The following MARK2 variants were observed in gnomAD, a reference collection of about 807,000 sequenced individuals.
MARK2 encodes the protein serine/threonine-protein kinase MARK2.
A neutral mutation model predicts 89.8 loss-of-function variants in MARK2; 16 were observed. The observed-to-expected ratio is 0.18, with a 90% CI of 0.12 to 0.27. The LOEUF is 0.27. Among genes scored for constraint, MARK2 ranks in the 10% least tolerant of loss-of-function variants. MARK2 has a pLI of 1.00. For missense variants in MARK2, 621 were observed against 1,049.9 expected (o/e 0.59, Z 5.65); for synonymous variants, 382 against 399.5 (o/e 0.96, Z 0.52).
In MARK2 at chr11:63,900,573, G is replaced by C. The variant is rs1590686402; in HGVS notation, c.783G>C (p.Arg261=). 1.2e-6 allele frequency: 2 copies of C among 1,614,100 alleles called. No individual in the cohort carries two copies. Among genetic ancestry groups the C allele is most frequent in the Non-Finnish European group, 1.7e-6 (2 of 1,180,016 alleles). ...TCCTCCTGCAGGAGCTGCGGGAACG[G>C]GTACTGAGGGGAAAATACCGTATTC... ...DGQNLKELRE[R]VLRGKYRIPF... The change falls in exon 9 of 19, where the codon CGG becomes CGC. Residue 261 remains arginine, a synonymous_variant. Coordinates refer to ENST00000402010, the MANE Select transcript of MARK2 (RefSeq NM_001039469.3). This position sits in a 1 kb window ranked among gnomAD's most constrained non-coding sequence, Gnocchi z 4.7.
chr11:63,867,141 C>G (rs1258164171), intron 1 of MARK2, among the ~76,000 whole-genome samples: 1 of 152,212 alleles, frequency 6.6e-6, no homozygotes, highest in Non-Finnish European at 1.5e-5. Flanking sequence ...ATCCCCCAAC[C>G]TTAGCCTCCT....
intron 3 of MARK2, among the ~76,000 whole-genome samples, chr11:63,895,917 G>C (rs948601182): frequency 1.3e-5 from 2 of 151,932 alleles, no homozygotes; most frequent in African/African-American, 4.8e-5. Flanking sequence ...TGATCCGCTC[G>C]CCTCGGCCTC....
At chr11:63,881,315 T>A (rs1939074973) in intron 1 of MARK2, among the ~76,000 whole-genome samples, 1 of 151,726 alleles carries the variant, frequency 6.6e-6, no homozygotes, top group African/African-American at 2.4e-5. Flanking sequence ...CAAAAAAAAA[T>A]ACCAAGGTCC....
intron 1 of MARK2, among the ~76,000 whole-genome samples, chr11:63,883,550 A>G (rs1035139185): frequency 5.9e-5 from 9 of 151,648 alleles, no homozygotes; most frequent in African/African-American, 2.2e-4. Flanking sequence ...ACTGAACACC[A>G]CGTTCTATGG....
chr11:63,894,935 C>G (rs1284027632), intron 1 of MARK2, among the ~76,000 whole-genome samples: 2 of 152,146 alleles, frequency 1.3e-5, no homozygotes, highest in African/African-American at 4.8e-5. Flanking sequence ...TGAGCTTTGC[C>G]ACCCACAGGA....
At chr11:63,871,573 G>C (rs972301152) in intron 1 of MARK2, among the ~76,000 whole-genome samples, 6 of 147,364 alleles carry the variant, frequency 4.1e-5, no homozygotes, top group South Asian at 2.2e-4. Flanking sequence ...GCAGGTGTGG[G>C]TGAAGAGTAT....
At chr11:63,885,394 C>T (rs1397686676) in intron 1 of MARK2, among the ~76,000 whole-genome samples, 1 of 151,780 alleles carries the variant, frequency 6.6e-6, no homozygotes, top group African/African-American at 2.4e-5. Context: ...CAAAAATTAG[C>T]CGGGCGTATT....
chr11:63,881,580 A>G (rs1020440940), intron 1 of MARK2, among the ~76,000 whole-genome samples: 5 of 152,108 alleles, frequency 3.3e-5, no homozygotes, highest in Admixed American at 6.6e-5. Flanking sequence ...CACTGAGGGT[A>G]TATGAAGGTG....
At chr11:63,859,654 C>CA (rs1937634267) in intron 1 of MARK2, among the ~76,000 whole-genome samples, 1 of 148,752 alleles carries the variant, frequency 6.7e-6, no homozygotes, top group African/African-American at 2.5e-5. Context: ...TTTTTCGAGA[C>CA]AGAGTCCCAC....
chr11:63,908,184 A>C, intron 17 of MARK2, 76 bp from the exon 18 acceptor site: 1 of 1,378,754 alleles, frequency 7.3e-7, no homozygotes, highest in Non-Finnish European at 1.0e-6. Context: ...CCCCAGACCC[A>C]CTCTCATCTG....
Position 63,839,390 on chromosome 11 carries a change from CG to C in MARK2, c.-113del. 1 of 628,390 alleles carries C rather than the reference CG, an allele frequency of 1.6e-6. No individual in the cohort carries two copies. Among genetic ancestry groups the C allele is most frequent in the African/African-American group, 2.0e-5 (1 of 51,082 alleles). The allele number at this position is 628,390 out of a possible 1,614,324, so 38.9% of individuals were successfully genotyped here. A position where few individuals can be genotyped will look rare whatever the true frequency, so the allele number is the denominator to read the frequency against. On this transcript the variant is annotated 5_prime_UTR_variant, in exon 1 of 19. Coordinates refer to ENST00000402010, the MANE Select transcript of MARK2 (RefSeq NM_001039469.3). ...TGCCCGGCCTCCCCGCACCCCCGGC[CG>C]GGGCCCATGCGGCGGGTGCTCCTGC...
In MARK2 at chr11:63,903,943, A is replaced by G. The variant is rs1941108200; in HGVS notation, c.1515-43A>G. Reference sequence around the variant, plus strand: ...TTCCTAATCCAGGCCTCCCGCCCTCACTCACCCCTAACACGGGCCTCTCCG... The same window carrying G: ...TTCCTAATCCAGGCCTCCCGCCCTCGCTCACCCCTAACACGGGCCTCTCCG... On this transcript the variant is annotated intron_variant, in intron 14 of 18. Coordinates refer to ENST00000402010, the MANE Select transcript of MARK2 (RefSeq NM_001039469.3). This position sits in a 1 kb window ranked among gnomAD's most constrained non-coding sequence, Gnocchi z 5.1. 1 of 1,532,384 alleles carries G rather than the reference A, an allele frequency of 6.5e-7. No homozygotes were observed. Among genetic ancestry groups the G allele is most frequent in the Non-Finnish European group, 8.8e-7 (1 of 1,134,430 alleles). 94.9% of individuals were successfully genotyped at this position (1,532,384 alleles called of 1,614,324 possible).
At chr11:63,879,326 A>C (rs928089485) in intron 1 of MARK2, among the ~76,000 whole-genome samples, 1 of 152,168 alleles carries the variant, frequency 6.6e-6, no homozygotes, top group African/African-American at 2.4e-5. Context: ...ACATTTAAAA[A>C]ATCACATTTT....
Position 63,906,091 on chromosome 11 carries a change from T to C in MARK2, c.1938T>C (p.Asn646=). The C allele has an allele frequency of 7.4e-7, 1 of 1,351,618 alleles. No individual in the cohort carries two copies. Among genetic ancestry groups the C allele is most frequent in the East Asian group, 2.9e-5 (1 of 35,034 alleles). 83.7% of individuals were successfully genotyped at this position (1,351,618 alleles called of 1,614,324 possible). Reference sequence around the variant, plus strand: ...TTTTTTTTGTTTGTTTTTTTAGAAATCTGTCTTTCAGGTTTGCCAGAAGGT... The same window carrying C: ...TTTTTTTTGTTTGTTTTTTTAGAAACCTGTCTTTCAGGTTTGCCAGAAGGT... ...SKFTSKFVRR[N]LSFRFARRNL... is the part of the protein sequence containing the mutation. The change falls in exon 17 of 19, where the codon AAT becomes AAC. Residue 646 remains asparagine (N), a synonymous_variant. Coordinates refer to ENST00000402010, the MANE Select transcript of MARK2 (RefSeq NM_001039469.3).
chr11:63,842,552 C>G (rs2016074153), intron 1 of MARK2, among the ~76,000 whole-genome samples: 1 of 152,104 alleles, frequency 6.6e-6, no homozygotes, highest in Non-Finnish European at 1.5e-5. Flanking sequence ...GCAGCAGCTC[C>G]TCAGGTCACA....
In MARK2 at chr11:63,868,859, G is replaced by A. The variant is rs140759100; in HGVS notation, c.55-26300G>A. 5.1e-4 allele frequency: 233 copies of A among 456,062 alleles called. 3 individuals are homozygous for A. Among genetic ancestry groups the A allele is most frequent in the Admixed American group, 2.0e-3 (85 of 42,576 alleles). The allele number at this position is 456,062 out of a possible 1,614,324, so 28.3% of individuals were successfully genotyped here. On this transcript the variant is annotated intron_variant, in intron 1 of 18. Coordinates refer to ENST00000402010, the MANE Select transcript of MARK2 (RefSeq NM_001039469.3). ...TATTTATAGTGGGAGAAAAGCCCAG[G>A]AGCATGGCACGGGAAGAACTGATTT...
Position 63,898,743 on chromosome 11 carries a change from C to A in MARK2, c.404-20C>A. 6.2e-7 allele frequency: 1 copy of A among 1,612,856 alleles called. No homozygotes were observed. The highest frequency in any genetic ancestry group is 8.5e-7 in the Non-Finnish European group (1 of 1,178,796). On this transcript the variant is annotated intron_variant, in intron 5 of 18. Transcript: ENST00000402010. ...ACCTCCAGCCAGCTCTGACTGAGATCCCTGCCTGGTCTCTTACAGGAGAGG... is the reference window on the plus strand; with the variant it reads ...ACCTCCAGCCAGCTCTGACTGAGATACCTGCCTGGTCTCTTACAGGAGAGG...
At chr11:63,854,839 C>A (rs761984949) in intron 1 of MARK2, among the ~76,000 whole-genome samples, 1 of 150,034 alleles carries the variant, frequency 6.7e-6, no homozygotes, top group Admixed American at 6.6e-5. Context: ...AAAGGGTATT[C>A]CAAGTGAGGA....
At chr11:63,891,135 A>G (rs1348799971) in intron 1 of MARK2, among the ~76,000 whole-genome samples, 3 of 149,316 alleles carry the variant, frequency 2.0e-5, no homozygotes, top group Non-Finnish European at 3.0e-5. Flanking sequence ...TTTTAAATAT[A>G]TTCTTTTTTT....
Sources: allele counts gnomAD v4.1 joint callset (sites outside exome capture counted in the v4.1 genomes callset), GRCh38; gene constraint gnomAD v4.1.1; non-coding constraint Gnocchi (gnomAD v3.1); transcripts MANE v1.5; gene names NCBI Gene and HGNC (gene_info 2026-07-23, HGNC 2026-07-21).